KIF6: variants seen among roughly 807,000 people sequenced by gnomAD.
KIF6 encodes kinesin-like protein KIF6.
A neutral mutation model predicts 112.7 loss-of-function variants in KIF6; 106 were observed. That is an observed-to-expected ratio of 0.94 (90% CI 0.80 to 1.11). The LOEUF is 1.11. Ranked by LOEUF, KIF6 falls within the 50% of genes least tolerant of loss-of-function variation. KIF6 has a pLI of 0.00. For synonymous variants in KIF6, 339 were observed against 339.9 expected (o/e 1.00, Z 0.03); for missense variants, 929 against 964.0 (o/e 0.96, Z 0.48).
At chr6:39,624,178 C>T (rs1783968293) in intron 5 of KIF6, among the ~76,000 whole-genome samples, 1 of 152,122 alleles carries the variant, frequency 6.6e-6, no homozygotes. Flanking sequence ...GAGTGTGGTG[C>T]AGAAGCCTCT....
chr6:39,338,166 A>G (rs773370486), intron 22 of KIF6, among the ~76,000 whole-genome samples: 1 of 152,256 alleles, frequency 6.6e-6, no homozygotes, highest in Non-Finnish European at 1.5e-5. Context: ...AATAAATACA[A>G]TGTTTAAAAA....
chr6:39,606,751 C>T (rs529776180), intron 6 of KIF6, among the ~76,000 whole-genome samples: 2 of 152,280 alleles, frequency 1.3e-5, no homozygotes, highest in South Asian at 4.1e-4. Flanking sequence ...AAGGTTTCTT[C>T]TTTGGATCCA....
intron 3 of KIF6, among the ~76,000 whole-genome samples, chr6:39,676,777 A>T (rs923885424): frequency 8.5e-5 from 13 of 152,130 alleles, no homozygotes; most frequent in African/African-American, 2.9e-4. Flanking sequence ...AATAATTAGC[A>T]GAGAAAACAA....
At chr6:39,663,943 A>C (rs138967570) in intron 3 of KIF6, among the ~76,000 whole-genome samples, 1 of 151,828 alleles carries the variant, frequency 6.6e-6, no homozygotes, top group Admixed American at 6.6e-5. Flanking sequence ...TAAGCAGATA[A>C]ATAAGCCAAT....
At chr6:39,561,544 G>A (rs1582138476) in intron 10 of KIF6, among the ~76,000 whole-genome samples, 1 of 151,776 alleles carries the variant, frequency 6.6e-6, no homozygotes, top group African/African-American at 2.4e-5. Context: ...TTTCAGTAAA[G>A]ATGGGGTTTC....
At chr6:39,389,208 C>T (rs1222861986) in intron 15 of KIF6, among the ~76,000 whole-genome samples, 1 of 152,118 alleles carries the variant, frequency 6.6e-6, no homozygotes, top group Non-Finnish European at 1.5e-5. Flanking sequence ...GATTTTTTTA[C>T]ATCAGTATTC....
Position 39,409,172 on chromosome 6 carries a change from C to T in KIF6, c.1810+10776G>A, listed in dbSNP as rs539840828. Among the ~76,000 whole-genome samples the T allele has an allele frequency of 4.6e-5, 7 of 152,184 alleles. No homozygotes were observed. In the South Asian group the frequency reaches 1.5e-3, roughly 32 times the overall value. Reference sequence around the variant, plus strand: ...CTCTACTTCTTTGACTCTTGCTGGCCTACGGTCTGTGCTTAGATACACAGT... The same window carrying T: ...CTCTACTTCTTTGACTCTTGCTGGCTTACGGTCTGTGCTTAGATACACAGT... On this transcript the variant is annotated intron_variant, in intron 15 of 22. Coordinates refer to ENST00000287152, the MANE Select transcript of KIF6 (RefSeq NM_145027.6).
chr6:39,584,325 G>C (rs542603023), intron 9 of KIF6, among the ~76,000 whole-genome samples: 1 of 147,550 alleles, frequency 6.8e-6, no homozygotes, highest in East Asian at 2.0e-4. Flanking sequence ...TTGGGAGGCT[G>C]AGGCAGGAGA....
At chr6:39,476,741 T>C (rs1774449206) in intron 13 of KIF6, among the ~76,000 whole-genome samples, 1 of 152,248 alleles carries the variant, frequency 6.6e-6, no homozygotes, top group African/African-American at 2.4e-5. Flanking sequence ...TTTCTGAGGA[T>C]GAATAAGGTA....
chr6:39,628,816 G>C (rs146369988), intron 5 of KIF6, among the ~76,000 whole-genome samples: 1 of 151,894 alleles, frequency 6.6e-6, no homozygotes, highest in South Asian at 2.1e-4. Flanking sequence ...AACCCCCTGT[G>C]CTTCACCTAT....
At chr6:39,411,882 G>T (rs1416024193) in intron 15 of KIF6, among the ~76,000 whole-genome samples, 2 of 152,214 alleles carry the variant, frequency 1.3e-5, no homozygotes, top group Non-Finnish European at 2.9e-5. Flanking sequence ...GCCATGGATA[G>T]AGGTGGTTTA....
At chr6:39,606,197 T>C (rs1246192278) in intron 6 of KIF6, among the ~76,000 whole-genome samples, 1 of 152,002 alleles carries the variant, frequency 6.6e-6, no homozygotes, top group Admixed American at 6.6e-5. Context: ...AATGGCACTT[T>C]AATCTCTTTA....
At chr6:39,715,004 A>C in intron 2 of KIF6, 1 of 359,352 alleles carries the variant, frequency 2.8e-6, no homozygotes. Context: ...TCCCTCTGAA[A>C]AACTGCAGCA....
intron 13 of KIF6, among the ~76,000 whole-genome samples, chr6:39,535,243 C>T (rs992738638): frequency 1.3e-5 from 2 of 152,152 alleles, no homozygotes; most frequent in Admixed American, 6.5e-5. Flanking sequence ...GGACTAAATG[C>T]TCCAATTAAG....
chr6:39,427,161 AC>A, intron 14 of KIF6, among the ~76,000 whole-genome samples: 1 of 151,802 alleles, frequency 6.6e-6, no homozygotes, highest in African/African-American at 2.4e-5. Flanking sequence ...CCCTAAGTCA[AC>A]CCCCTCCAGT....
At position 39,343,810 on chromosome 6, in the gene KIF6, G is replaced by A. The variant is rs778454683; in HGVS notation, c.2327C>T (p.Pro776Leu). The change falls in exon 22 of 23, where the codon CCC becomes CTC. Residue 776 changes from proline to leucine, a missense_variant. By Grantham distance (98) the Pro-to-Leu change is moderately conservative. Coordinates refer to ENST00000287152, the MANE Select transcript of KIF6 (RefSeq NM_145027.6). The surrounding 1 kb of genome is among the most constrained non-coding windows in gnomAD (Gnocchi z 4.1). ...AGGGATGGACGACACTGGCCTCTTG[G>A]GGATGCTGGAGGCAACCACGTGTCA... ...STSTPLEDSI[P>L]KRPVSSIPLT... The A allele has an allele frequency of 1.3e-6, 2 of 1,596,332 alleles. No individual in the cohort carries two copies. Among genetic ancestry groups the A allele is most frequent in the Non-Finnish European group, 8.5e-7 (1 of 1,170,874 alleles).
At chr6:39,559,943 T>C (rs1779925401) in intron 10 of KIF6, among the ~76,000 whole-genome samples, 1 of 152,154 alleles carries the variant, frequency 6.6e-6, no homozygotes, top group Admixed American at 6.5e-5. Flanking sequence ...AAAACAAAGC[T>C]AAAATAGGGT....
intron 14 of KIF6, among the ~76,000 whole-genome samples, chr6:39,429,781 G>A (rs1771017921): frequency 6.6e-6 from 1 of 152,056 alleles, no homozygotes; most frequent in Admixed American, 6.6e-5. Context: ...GGTGGCGGGT[G>A]CCTGTAGTCC....
chr6:39,618,924 T>C (rs1043133407), intron 5 of KIF6, among the ~76,000 whole-genome samples: 2 of 152,212 alleles, frequency 1.3e-5, no homozygotes, highest in Non-Finnish European at 2.9e-5. Context: ...TTTATGATTT[T>C]ATAATTCCTG....
Sources: allele counts gnomAD v4.1 joint callset (sites outside exome capture counted in the v4.1 genomes callset), GRCh38; gene constraint gnomAD v4.1.1; non-coding constraint Gnocchi (gnomAD v3.1); transcripts MANE v1.5; gene names NCBI Gene and HGNC (gene_info 2026-07-23, HGNC 2026-07-21).